The following PCLO variants were observed in gnomAD, a reference collection of about 807,000 sequenced individuals.
The protein encoded by PCLO is piccolo presynaptic cytomatrix protein.
In PCLO, 82 loss-of-function variants were observed where a neutral mutation model predicts 427.5. The ratio of observed to expected loss-of-function variants is 0.19; its 90% CI spans 0.16 to 0.23. The LOEUF (loss-of-function observed/expected upper bound fraction) is 0.23. Among genes scored for constraint, PCLO ranks in the 10% least tolerant of loss-of-function variants. The pLI is 1.00. For synonymous variants in PCLO, 2,357 were observed against 2,155.4 expected, an observed-to-expected ratio of 1.09 and a Z score of -2.59; for missense variants, 6,239 against 6,115.9, an observed-to-expected ratio of 1.02 and a Z score of -0.67.
At chr7:83,011,289 T>C (rs773983687) in intron 3 of PCLO, among the ~76,000 whole-genome samples, 1 of 151,818 alleles carries the variant, frequency 6.6e-6, no homozygotes, top group African/African-American at 2.4e-5. Context: ...GTGAACTAGC[T>C]AAATTTTATA....
chr7:82,934,471 T>A (rs1794906547), intron 6 of PCLO, among the ~76,000 whole-genome samples: 1 of 151,830 alleles, frequency 6.6e-6, no homozygotes, highest in Admixed American at 6.6e-5. Context: ...GTAATATATA[T>A]CTTTAGTCTA....
At chr7:83,032,992 A>T (rs1275674119) in intron 3 of PCLO, among the ~76,000 whole-genome samples, 2 of 152,002 alleles carry the variant, frequency 1.3e-5, no homozygotes, top group Non-Finnish European at 2.9e-5. Context: ...TGTTCTTGTG[A>T]TAGTGAGGGA....
At chr7:83,088,421 C>T (rs1349187991) in intron 3 of PCLO, among the ~76,000 whole-genome samples, 8 of 152,154 alleles carry the variant, frequency 5.3e-5, no homozygotes. Flanking sequence ...TTCTTAAGGT[C>T]CCTGAGGGCC....
intron 3 of PCLO, among the ~76,000 whole-genome samples, chr7:83,108,153 G>A (rs986960077): frequency 6.6e-6 from 1 of 152,044 alleles, no homozygotes; most frequent in Admixed American, 6.6e-5. Context: ...GTGTGTTTGT[G>A]CATACATGTG....
At chr7:82,858,915 T>C (rs1333380958) in intron 10 of PCLO, among the ~76,000 whole-genome samples, 1 of 152,120 alleles carries the variant, frequency 6.6e-6, no homozygotes, top group Admixed American at 6.6e-5. Context: ...TTAAATGCAA[T>C]CCCTACCAAA....
intron 16 of PCLO, among the ~76,000 whole-genome samples, chr7:82,830,053 T>G (rs2115702394): frequency 6.6e-6 from 1 of 152,024 alleles, no homozygotes. Context: ...CATACATATA[T>G]ATTAATATCG....
At position 83,101,943 on chromosome 7, in the gene PCLO, C is replaced by CA. The variant is rs1248591538; in HGVS notation, c.3300+32306dup. ...AATGTCACTACTTCATTTTGTGACT[C>CA]AGAGTCAAAAGAACAACATGATTTT... On this transcript the variant is annotated intron_variant, in intron 3 of 24. Transcript: ENST00000333891. Among the ~76,000 whole-genome samples the CA allele has an allele frequency of 6.6e-5, 10 of 152,050 alleles. No individual in the cohort carries two copies. In the East Asian group the frequency reaches 1.7e-3, roughly 26 times the overall value.
At chr7:83,087,946 T>C (rs533871528) in intron 3 of PCLO, among the ~76,000 whole-genome samples, 24 of 152,356 alleles carry the variant, frequency 1.6e-4, no homozygotes, top group Non-Finnish European at 2.9e-4. Context: ...AATTGCCGAA[T>C]TGATTTAACA....
At position 82,976,974 on chromosome 7, in the gene PCLO, C is replaced by T. The variant is rs149843383; in HGVS notation, c.3301-10487G>A. 2.6e-3 allele frequency among the ~76,000 whole-genome samples: 391 copies of T among 152,264 alleles called. 1 individual carries two copies. The highest frequency in any genetic ancestry group is 9.0e-3 in the African/African-American group (373 of 41,554). On this transcript the variant is annotated intron_variant, in intron 3 of 24. Coordinates refer to ENST00000333891, the MANE Select transcript of PCLO (RefSeq NM_033026.6). ...GGCCCAAGCCATCTTCCAGCATTTG[C>T]CTCCCAAAGTTCTGGGATTACAGGT...
intron 3 of PCLO, among the ~76,000 whole-genome samples, chr7:83,013,760 A>T (rs932675685): frequency 2.0e-5 from 3 of 152,246 alleles, no homozygotes; most frequent in Non-Finnish European, 2.9e-5. Context: ...TAATGGATTT[A>T]AAATGGAACG....
At chr7:82,821,364 C>A (rs2115635869) in intron 20 of PCLO, 2 of 985,902 alleles carry the variant, frequency 2.0e-6, no homozygotes, top group Non-Finnish European at 2.4e-6. Context: ...AAATGTTATT[C>A]ATGCAAACAG....
At chr7:82,865,934 T>G (rs1793081502) in intron 10 of PCLO, among the ~76,000 whole-genome samples, 1 of 152,128 alleles carries the variant, frequency 6.6e-6, no homozygotes, top group Admixed American at 6.6e-5. Context: ...TCATTCAGCT[T>G]ATGTCAGGTC....
intron 6 of PCLO, among the ~76,000 whole-genome samples, chr7:82,940,283 A>G (rs1795050477): frequency 6.6e-6 from 1 of 152,142 alleles, no homozygotes; most frequent in Admixed American, 6.5e-5. Flanking sequence ...TATTAGAATG[A>G]TTTCTATCAT....
intron 3 of PCLO, among the ~76,000 whole-genome samples, chr7:83,005,390 G>C (rs1787921477): frequency 6.6e-6 from 1 of 151,678 alleles, no homozygotes; most frequent in Non-Finnish European, 1.5e-5. Context: ...ACAGAGAGCA[G>C]AGTAGTGGCT....
rs148148487 is a variant in PCLO at position 82,877,688 on chromosome 7, A to G, written c.13654+1649T>C. 1.4e-3 allele frequency among the ~76,000 whole-genome samples: 207 copies of G among 152,250 alleles called. 1 individual carries two copies. Among genetic ancestry groups the G allele is most frequent in the African/African-American group, 4.6e-3 (192 of 41,576 alleles). On this transcript the variant is annotated intron_variant, in intron 10 of 24. Coordinates refer to ENST00000333891, the MANE Select transcript of PCLO (RefSeq NM_033026.6). ...ATGTGCATTTATTTATTTATGAGACAGAGTCTCACTCTTGTTGTCCAGGCT... is the reference window on the plus strand; with the variant it reads ...ATGTGCATTTATTTATTTATGAGACGGAGTCTCACTCTTGTTGTCCAGGCT...
chr7:82,779,746 C>CTTTTTTTTTT (rs397976054), intron 22 of PCLO, among the ~76,000 whole-genome samples: 2 of 134,382 alleles, frequency 1.5e-5, no homozygotes, highest in South Asian at 2.3e-4. Flanking sequence ...TTCTTTCTTT[C>CTTTTTTTTTT]TTTTTTTTTT....
chr7:83,059,338 T>A (rs1339648041), intron 3 of PCLO, among the ~76,000 whole-genome samples: 3 of 125,286 alleles, frequency 2.4e-5, no homozygotes, highest in Non-Finnish European at 3.3e-5. Context: ...TAATATATAT[T>A]TTATATATAC....
At chr7:83,089,247 A>G (rs1790317914) in intron 3 of PCLO, among the ~76,000 whole-genome samples, 1 of 152,158 alleles carries the variant, frequency 6.6e-6, no homozygotes, top group Non-Finnish European at 1.5e-5. Flanking sequence ...GGGTAAAAAA[A>G]AATTAGAAGT....
In PCLO at chr7:82,969,821, T is replaced by C. The variant is rs150494325; in HGVS notation, c.3301-3334A>G. On this transcript the variant is annotated intron_variant, in intron 3 of 24. Coordinates refer to ENST00000333891, the MANE Select transcript of PCLO (RefSeq NM_033026.6). ...CAGTAAAAACAAAGAGACGGAGATA[T>C]TGTGTTGCAATGCAGAAGAGAGAGA... Among the ~76,000 whole-genome samples, 455 of 152,196 alleles carry C rather than the reference T, an allele frequency of 3.0e-3. 1 individual carries two copies. Among genetic ancestry groups the C allele is most frequent in the African/African-American group, 0.01 (428 of 41,568 alleles).
Sources: allele counts gnomAD v4.1 joint callset (sites outside exome capture counted in the v4.1 genomes callset), GRCh38; gene constraint gnomAD v4.1.1; transcripts MANE v1.5; gene names NCBI Gene and HGNC (gene_info 2026-07-23, HGNC 2026-07-21).